The following ATF7IP2 variants were observed in gnomAD, a reference collection of about 807,000 sequenced individuals.
The protein encoded by ATF7IP2 is activating transcription factor 7-interacting protein 2.
Under a neutral mutation model 64.2 loss-of-function variants are expected in ATF7IP2, and 42 were observed. The ratio of observed to expected loss-of-function variants is 0.65; its 90% CI spans 0.51 to 0.85. The LOEUF is 0.85. Ranked by LOEUF, ATF7IP2 falls within the 40% of genes least tolerant of loss-of-function variation. ATF7IP2 has a pLI of 0.00. For synonymous variants in ATF7IP2, 308 were observed against 272.8 expected (o/e 1.13, Z -1.27); for missense variants, 933 against 784.2 (o/e 1.19, Z -2.27).
chr16:10,464,754 T>G (rs987740275), intron 9 of ATF7IP2, among the ~76,000 whole-genome samples: 1 of 152,218 alleles, frequency 6.6e-6, no homozygotes, highest in African/African-American at 2.4e-5. Context: ...AAGGAGTTAC[T>G]AGCCACAGTA....
intron 3 of ATF7IP2, among the ~76,000 whole-genome samples, chr16:10,423,037 G>A (rs566736632): frequency 6.6e-6 from 1 of 152,328 alleles, no homozygotes; most frequent in Admixed American, 6.5e-5. Context: ...GAGGTCAGGA[G>A]ATCAAGACCA....
chr16:10,433,491 ATATCT>A (rs1386202681), intron 5 of ATF7IP2, 29 bp from the exon 6 acceptor site: 8 of 1,587,522 alleles, frequency 5.0e-6, no homozygotes, highest in African/African-American at 1.4e-5. Context: ...TTTCTTTAAA[ATATCT>A]TTCTTTCTAA....
chr16:10,478,048 G>A (rs909041772), intron 12 of ATF7IP2, among the ~76,000 whole-genome samples: 2 of 151,180 alleles, frequency 1.3e-5, no homozygotes, highest in African/African-American at 4.9e-5. Context: ...TGGGTAGGAA[G>A]AATCAATATC....
chr16:10,467,449 A>T (rs2049618439), intron 9 of ATF7IP2, among the ~76,000 whole-genome samples: 1 of 152,214 alleles, frequency 6.6e-6, no homozygotes, highest in Non-Finnish European at 1.5e-5. Context: ...ATTTTCTTAC[A>T]GATTAGCAAT....
chr16:10,459,882 C>T (rs1033695299), intron 9 of ATF7IP2, among the ~76,000 whole-genome samples: 1 of 152,040 alleles, frequency 6.6e-6, no homozygotes, highest in African/African-American at 2.4e-5. Context: ...AGAAAGATGC[C>T]TGCTGTCACC....
chr16:10,386,562 A>G (rs746773877), intron 1 of ATF7IP2: 18 of 152,122 alleles, frequency 1.2e-4, no homozygotes, highest in African/African-American at 4.1e-4. Flanking sequence ...TGTTTTAATC[A>G]TCTAATGAAG....
chr16:10,442,494 A>G (rs1204460581), intron 8 of ATF7IP2, among the ~76,000 whole-genome samples: 1 of 152,228 alleles, frequency 6.6e-6, no homozygotes, highest in Non-Finnish European at 1.5e-5. Context: ...GCCAGTGGGA[A>G]TGAGTACCCT....
At position 10,405,167 on chromosome 16, in the gene ATF7IP2, A is replaced by G. The variant is rs1277987666; in HGVS notation, c.-241-9407A>G. Among the ~76,000 whole-genome samples the G allele has an allele frequency of 7.2e-5, 11 of 152,040 alleles. No individual in the cohort carries two copies. The East Asian group carries it at 2.1e-3, about 30-fold the overall frequency. ...TGCCTGAGGTCAGGAGTTCAAGACC[A>G]GCCTGGCCAACATGGTGAAACCCGG... On this transcript the variant is annotated intron_variant, in intron 1 of 13. Coordinates refer to ENST00000562102, the MANE Select transcript of ATF7IP2 (RefSeq NM_001393719.1).
chr16:10,469,694 T>C (rs1348195477), intron 9 of ATF7IP2, among the ~76,000 whole-genome samples: 3 of 152,062 alleles, frequency 2.0e-5, no homozygotes, highest in Non-Finnish European at 4.4e-5. Flanking sequence ...AGAATCACTT[T>C]GAACCAAGGA....
intron 3 of ATF7IP2, among the ~76,000 whole-genome samples, chr16:10,428,045 C>A (rs1019948595): frequency 6.6e-6 from 1 of 152,004 alleles, no homozygotes; most frequent in Admixed American, 6.6e-5. Flanking sequence ...ATAGTTTGCT[C>A]AACAACAAAA....
intron 1 of ATF7IP2, 141 bp downstream of exon 1, chr16:10,386,263 C>T (rs2047201050): frequency 6.6e-6 from 1 of 152,246 alleles, no homozygotes; most frequent in Admixed American, 6.5e-5. Context: ...CGAAGCTGCC[C>T]TGACTGAAAA....
Position 10,480,303 on chromosome 16 carries a change from T to C in ATF7IP2, c.1550-576T>C, listed in dbSNP as rs1325223076. ...CCCCAGTTGTTTTCAATCCATTCTT[T>C]TGCCTACTTGTACCTTCTTTCCCTC... On this transcript the variant is annotated intron_variant, in intron 12 of 13. Coordinates refer to ENST00000562102, the MANE Select transcript of ATF7IP2 (RefSeq NM_001393719.1). Among the ~76,000 whole-genome samples, 12 of 152,120 alleles carry C rather than the reference T, an allele frequency of 7.9e-5. No individual in the cohort carries two copies. In the East Asian group the frequency reaches 2.3e-3, roughly 29 times the overall value.
intron 1 of ATF7IP2, among the ~76,000 whole-genome samples, chr16:10,399,509 C>A (rs548807506): frequency 6.6e-6 from 1 of 152,282 alleles, no homozygotes; most frequent in South Asian, 2.1e-4. Context: ...AGATACGTGG[C>A]TTTATTTCCG....
At chr16:10,479,711 T>C (rs1297251333) in intron 12 of ATF7IP2, among the ~76,000 whole-genome samples, 3 of 150,478 alleles carry the variant, frequency 2.0e-5, no homozygotes, top group African/African-American at 7.3e-5. Context: ...AAAGAAGACG[T>C]ACATTTGGCC....
chr16:10,402,900 C>T (rs1432832668), intron 1 of ATF7IP2, among the ~76,000 whole-genome samples: 1 of 84,918 alleles, frequency 1.2e-5, no homozygotes, highest in African/African-American at 6.7e-5. Flanking sequence ...ACAGCGAGAC[C>T]CTTTCTCAAA....
chr16:10,450,654 T>G (rs2048954555), intron 8 of ATF7IP2, among the ~76,000 whole-genome samples: 1 of 152,190 alleles, frequency 6.6e-6, no homozygotes, highest in Non-Finnish European at 1.5e-5. Context: ...TTTTTTTGTT[T>G]TCCATTTGCT....
chr16:10,431,301 GC>G lies in ATF7IP2; in HGVS notation c.683del (p.Pro228LeufsTer9). ...ILCSEDSGFV[P>X]VEKTPNLVNS... ...TATGTTCAGAAGACTCAGGTTTTGTGCCTGTTGAGAAAACACCTAATTTGGT... is the reference window on the plus strand; with the variant it reads ...TATGTTCAGAAGACTCAGGTTTTGTGCTGTTGAGAAAACACCTAATTTGGT... On this transcript the variant is annotated frameshift_variant, in exon 5 of 14. Transcript: ENST00000562102. LOFTEE classifies it high-confidence loss of function. 1 of 1,614,212 alleles carries G rather than the reference GC, an allele frequency of 6.2e-7. No homozygotes were observed. Among genetic ancestry groups the G allele is most frequent in the Non-Finnish European group, 8.5e-7 (1 of 1,180,036 alleles).
Position 10,430,969 on chromosome 16 carries a change from C to G in ATF7IP2, c.349C>G (p.Gln117Glu), listed in dbSNP as rs1232059882. ...TKLEQVVCSY[Q>E]KPSRTTESPS... is the part of the protein sequence containing the mutation. ...ATTGGAACAAGTTGTTTGTTCGTAC[C>G]AAAAGCCAAGTAGAACAACAGAATC... is the stretch of plus-strand genomic sequence containing the variant. The change falls in exon 5 of 14, where the codon CAA becomes GAA. Residue 117 changes from glutamine to glutamate, a missense_variant. Coordinates refer to ENST00000562102, the MANE Select transcript of ATF7IP2 (RefSeq NM_001393719.1). The G allele has an allele frequency of 9.9e-6, 16 of 1,613,992 alleles. No individual in the cohort carries two copies. Among genetic ancestry groups the G allele is most frequent in the African/African-American group, 1.3e-5 (1 of 75,010 alleles).
At chr16:10,427,889 A>G (rs780456751) in intron 3 of ATF7IP2, among the ~76,000 whole-genome samples, 1 of 151,980 alleles carries the variant, frequency 6.6e-6, no homozygotes, top group Non-Finnish European at 1.5e-5. Flanking sequence ...TGACCCAAAG[A>G]TCTTTCACAA....
Sources: allele counts gnomAD v4.1 joint callset (sites outside exome capture counted in the v4.1 genomes callset), GRCh38; gene constraint gnomAD v4.1.1; transcripts MANE v1.5; gene names NCBI Gene and HGNC (gene_info 2026-07-23, HGNC 2026-07-21).